Variants in RPGR observed in about 807,000 individuals in gnomAD.
The protein encoded by RPGR is X-linked retinitis pigmentosa GTPase regulator.
A neutral mutation model predicts 56.3 loss-of-function variants in RPGR; 10 were observed. The observed-to-expected ratio is 0.18, with a 90% CI of 0.11 to 0.30. The LOEUF is 0.30. Ranked by LOEUF, RPGR falls within the 10% of genes least tolerant of loss-of-function variation. The pLI is 1.00. For synonymous variants in RPGR, 197 were observed against 212.9 expected, an observed-to-expected ratio of 0.93 and a Z score of 0.65; for missense variants, 538 against 590.9, an observed-to-expected ratio of 0.91 and a Z score of 0.93.
chrX:38,324,188 A>G (rs989616424), intron 1 of RPGR, among the ~76,000 whole-genome samples: 5 of 111,788 alleles, frequency 4.5e-5, no homozygotes, highest in Non-Finnish European at 9.4e-5. Flanking sequence ...GGCCCAAGCA[A>G]TCCTCCCGCC....
chrX:38,288,078 T>C, intron 13 of RPGR, 37 bp from the exon 14 acceptor site: 2 of 1,098,670 alleles, frequency 1.8e-6, no homozygotes. Flanking sequence ...TATGTCATAC[T>C]ACTATTAGTT....
At chrX:38,284,610 T>C in intron 15 of RPGR, 1 of 742,402 alleles carries the variant, frequency 1.3e-6, no homozygotes, top group Non-Finnish European at 1.6e-6. Context: ...CTGTCATAAC[T>C]TTTCAAGAGT....
At position 38,321,148 on chromosome X, in the gene RPGR, G is replaced by A. The variant is rs751304886; in HGVS notation, c.248-59C>T. The A allele has an allele frequency of 1.2e-4, 103 of 848,876 alleles. 2 individuals carry two copies. In the South Asian group the frequency reaches 2.0e-3, roughly 17 times the overall value. 70.0% of individuals were successfully genotyped at this position (848,876 alleles called of 1,213,427 possible). ...AGCAATGAAAATGAACAGTAGTCCA[G>A]GACAAATGGTAACTAAGTGATAGAA... On this transcript the variant is annotated intron_variant, in intron 3 of 18. Coordinates refer to ENST00000642395, the MANE Select transcript of RPGR (RefSeq NM_000328.3).
At chrX:38,312,157 CT>C (rs2067730588) in intron 6 of RPGR, among the ~76,000 whole-genome samples, 1 of 112,013 alleles carries the variant, frequency 8.9e-6, no homozygotes, top group Admixed American at 9.5e-5. Flanking sequence ...TATTGATTTT[CT>C]GAATTGATCT....
chrX:38,274,680 T>G (rs1277800975), intron 17 of RPGR, among the ~76,000 whole-genome samples: 1 of 111,107 alleles, frequency 9.0e-6, no homozygotes, highest in Non-Finnish European at 1.9e-5. Context: ...CCAGGTGTAG[T>G]GGCACACGCC....
chrX:38,270,993 G>T (rs1381619583), intron 18 of RPGR, among the ~76,000 whole-genome samples: 2 of 111,778 alleles, frequency 1.8e-5, no homozygotes, highest in Non-Finnish European at 3.8e-5. Context: ...AGAGATGAAG[G>T]TGATAAAAGT....
intron 15 of RPGR, chrX:38,276,840 CT>C: frequency 1.1e-6 from 1 of 884,657 alleles, no homozygotes; most frequent in Non-Finnish European, 1.6e-6. Flanking sequence ...TTTGATATTG[CT>C]GTCATAAATA....
intron 7 of RPGR, among the ~76,000 whole-genome samples, chrX:38,310,382 C>T (rs765587433): frequency 1.8e-5 from 2 of 111,094 alleles, no homozygotes; most frequent in South Asian, 3.8e-4. Flanking sequence ...GACGAGTTGC[C>T]GTACAGTGGG....
chrX:38,287,718 A>C, intron 14 of RPGR, 143 bp downstream of exon 14: 1 of 586,641 alleles, frequency 1.7e-6, no homozygotes, highest in Non-Finnish European at 2.9e-6. Context: ...ATTCCTTCTG[A>C]CTGTGTCCTC....
Position 38,319,054 on chromosome X carries a change from T to C in RPGR, c.311-67A>G, listed in dbSNP as rs184238886. 11 of 1,076,240 alleles carry C rather than the reference T, an allele frequency of 1.0e-5. No individual in the cohort carries two copies. The East Asian group carries it at 1.5e-4, about 15-fold the overall frequency. The allele number at this position is 1,076,240 out of a possible 1,213,427, so 88.7% of individuals were successfully genotyped here. ...CCTTTTTATGAGACAGGTCAGTGTA[T>C]AGCAGCGATTTCCTCTATTAACAGT... On this transcript the variant is annotated intron_variant, in intron 4 of 18. Coordinates refer to ENST00000642395, the MANE Select transcript of RPGR (RefSeq NM_000328.3).
intron 7 of RPGR, among the ~76,000 whole-genome samples, chrX:38,305,976 A>G (rs1049040319): frequency 1.8e-5 from 2 of 111,120 alleles, no homozygotes; most frequent in African/African-American, 6.5e-5. Context: ...ATTCCAAAGG[A>G]CTTCCAGTAA....
Position 38,287,923 on chromosome X carries a change from G to A in RPGR, c.1691C>T (p.Ser564Leu). ...TGGCTGCGTCATGAAAATCCCTTGTGACACATGTTGTTTACATGCTTTCCC... is the reference window on the plus strand; with the variant it reads ...TGGCTGCGTCATGAAAATCCCTTGTAACACATGTTGTTTACATGCTTTCCC... The change falls in exon 14 of 19, where the codon TCA becomes TTA. Residue 564 changes from serine to leucine, a missense_variant. Physicochemically the swap from Ser to Leu is moderately radical, Grantham distance 145. Transcript: ENST00000642395. 1 of 1,210,773 alleles carries A rather than the reference G, an allele frequency of 8.3e-7. No homozygotes were observed. Among genetic ancestry groups the A allele is most frequent in the Non-Finnish European group, 1.1e-6 (1 of 894,967 alleles).
intron 18 of RPGR, chrX:38,273,368 A>G: frequency 1.8e-6 from 2 of 1,130,490 alleles, no homozygotes; most frequent in Middle Eastern, 3.0e-4. Flanking sequence ...ATCAAAAAAG[A>G]CAATTCATTT....
intron 7 of RPGR, among the ~76,000 whole-genome samples, chrX:38,308,697 T>A (rs1439462902): frequency 8.9e-6 from 1 of 111,867 alleles, no homozygotes; most frequent in East Asian, 2.8e-4. Context: ...TTAGAATATT[T>A]TCGAAATTAT....
intron 4 of RPGR, 101 bp from the exon 5 acceptor site, chrX:38,319,088 T>C: frequency 4.6e-6 from 4 of 873,167 alleles, no homozygotes; most frequent in Non-Finnish European, 5.0e-6. Context: ...GTGAAGAAAG[T>C]TGAAAGCTAT....
chrX:38,283,682 T>C lies in RPGR; in HGVS notation c.1905+3412A>G, dbSNP rs151230308. 9.3e-3 allele frequency among the ~76,000 whole-genome samples: 1,038 copies of C among 112,007 alleles called. 9 individuals are homozygous for C. The highest frequency in any genetic ancestry group is 0.014 in the Non-Finnish European group (764 of 53,162). On this transcript the variant is annotated intron_variant, in intron 15 of 18. Transcript: ENST00000642395. ...GAAATGCTATTTAAACGTGGACATA[T>C]AGACCAGGTTTAATACTGAGATGGG...
intron 8 of RPGR, chrX:38,303,596 G>A (rs915741608): frequency 3.6e-6 from 1 of 277,230 alleles, no homozygotes; most frequent in Non-Finnish European, 6.3e-6. Context: ...ACAACTCTTA[G>A]TGGATGATGA....
intron 7 of RPGR, among the ~76,000 whole-genome samples, chrX:38,309,953 T>C (rs1441982531): frequency 8.9e-6 from 1 of 111,943 alleles, no homozygotes; most frequent in Admixed American, 9.5e-5. Context: ...AGTACAGGAA[T>C]AAAGGGTGAG....
chrX:38,291,941 C>T (rs918666377), intron 11 of RPGR, among the ~76,000 whole-genome samples: 13 of 111,906 alleles, frequency 1.2e-4, no homozygotes, highest in South Asian at 3.7e-4. Context: ...TGGTTATACA[C>T]GTATGCGCAC....
Sources: gnomAD v4.1 joint callset for allele counts (sites outside exome capture counted in the v4.1 genomes callset) on GRCh38, gnomAD v4.1.1 for gene constraint, MANE v1.5 for transcripts, NCBI Gene and HGNC (gene_info 2026-07-23, HGNC 2026-07-21) for gene names.